FBLN1: variants seen among roughly 807,000 people sequenced by gnomAD.
The protein encoded by FBLN1 is fibulin-1.
FBLN1 carries 34 observed loss-of-function variants against 89.7 expected under a neutral mutation model. That is an observed-to-expected ratio of 0.38 (90% CI 0.29 to 0.50). FBLN1 has a LOEUF of 0.50. FBLN1 is among the 20% of genes least tolerant of loss of function. The probability of loss-of-function intolerance (pLI) is 0.92; values close to 1 mark genes in which losing one functional copy is unlikely to be tolerated. For synonymous variants in FBLN1, 393 were observed against 391.3 expected (o/e 1.00, Z -0.05); for missense variants, 777 against 988.1 (o/e 0.79, Z 2.86).
At chr22:45,547,024 G>A in intron 11 of FBLN1, 61 bp from the exon 12 acceptor site, 2 of 1,611,990 alleles carry the variant, frequency 1.2e-6, no homozygotes, top group Non-Finnish European at 8.5e-7. Flanking sequence ...TGACCCTGAG[G>A]GCTACTGTGG....
intron 2 of FBLN1, among the ~76,000 whole-genome samples, chr22:45,525,159 A>G (rs1185233453): frequency 6.8e-6 from 1 of 146,506 alleles, no homozygotes; most frequent in African/African-American, 2.6e-5. Flanking sequence ...GAGGAAGAGA[A>G]GGAAAGAGAG....
intron 14 of FBLN1, among the ~76,000 whole-genome samples, chr22:45,571,776 A>AC (rs2088955212): frequency 6.6e-6 from 1 of 152,116 alleles, no homozygotes; most frequent in Non-Finnish European, 1.5e-5. Context: ...ACAATGACCA[A>AC]CCCCCTAGCA....
rs561325704 is a variant in FBLN1 at position 45,600,649 on chromosome 22, C to T, written c.*203C>T. On this transcript the variant is annotated 3_prime_UTR_variant, in exon 17 of 17. Coordinates refer to ENST00000327858, the MANE Select transcript of FBLN1 (RefSeq NM_006486.3). ...TTAAAAAATGAGCCCAGTTGCTCAACTGTTTGGTTGAAAACCTTGCTCATT... is the reference window on the plus strand; with the variant it reads ...TTAAAAAATGAGCCCAGTTGCTCAATTGTTTGGTTGAAAACCTTGCTCATT... 31 of 653,110 alleles carry T rather than the reference C, an allele frequency of 4.7e-5. No individual in the cohort carries two copies. Among genetic ancestry groups the T allele is most frequent in the African/African-American group, 3.8e-4 (21 of 55,686 alleles). 40.5% of individuals were successfully genotyped at this position (653,110 alleles called of 1,614,324 possible). A position where few individuals can be genotyped will look rare whatever the true frequency, so the allele number is the denominator to read the frequency against.
At chr22:45,526,809 C>T (rs556461436) in intron 3 of FBLN1, among the ~76,000 whole-genome samples, 11 of 152,256 alleles carry the variant, frequency 7.2e-5, no homozygotes, top group Admixed American at 6.5e-4. Flanking sequence ...GGACTTTGGG[C>T]GTTTCATGAC....
At chr22:45,585,332 C>T (rs1385806961) in intron 16 of FBLN1, among the ~76,000 whole-genome samples, 2 of 152,196 alleles carry the variant, frequency 1.3e-5, no homozygotes, top group Non-Finnish European at 2.9e-5. Flanking sequence ...GGCTTGAGAC[C>T]GTCCATTGTC....
At chr22:45,515,720 A>G (rs902888176) in intron 1 of FBLN1, among the ~76,000 whole-genome samples, 2 of 152,232 alleles carry the variant, frequency 1.3e-5, no homozygotes, top group African/African-American at 4.8e-5. Context: ...GACTGTTTAC[A>G]GAGAACTTTC....
chr22:45,543,622 G>A, intron 11 of FBLN1, 96 bp downstream of exon 11: 1 of 1,462,322 alleles, frequency 6.8e-7, no homozygotes, highest in East Asian at 2.4e-5. Context: ...ATCCGCGATG[G>A]TTTCCCTGTT....
intron 14 of FBLN1, among the ~76,000 whole-genome samples, chr22:45,554,363 T>G (rs1224084442): frequency 6.6e-6 from 1 of 152,220 alleles, no homozygotes; most frequent in East Asian, 1.9e-4. Flanking sequence ...CCGTTTGGCC[T>G]GGACCTGGGC....
Position 45,581,510 on chromosome 22 carries a change from T to C in FBLN1, c.1972+4402T>C, listed in dbSNP as rs1001281720. 1.1e-4 allele frequency among the ~76,000 whole-genome samples: 16 copies of C among 152,112 alleles called. 1 individual carries two copies. Among genetic ancestry groups the C allele is most frequent in the African/African-American group, 3.1e-4 (13 of 41,412 alleles). ...TATGAGGCTTGGTTGTGGCCACATT[T>C]CTGTTAAAACCCTGCCAATGCCAAC... is the stretch of plus-strand genomic sequence containing the variant. On this transcript the variant is annotated intron_variant, in intron 16 of 16. Coordinates refer to ENST00000327858, the MANE Select transcript of FBLN1 (RefSeq NM_006486.3). The surrounding 1 kb of genome is among the most constrained non-coding windows in gnomAD (Gnocchi z 7.6).
chr22:45,534,292 C>CAAAAAAAAAAA (rs136746), intron 7 of FBLN1, among the ~76,000 whole-genome samples: 37 of 83,226 alleles, frequency 4.4e-4, no homozygotes, highest in African/African-American at 1.1e-3. Context: ...GTACTTTCTA[C>CAAAAAAAAAAA]AAAAAAAAAA....
chr22:45,559,992 C>A (rs1364116679), intron 14 of FBLN1, among the ~76,000 whole-genome samples: 2 of 152,166 alleles, frequency 1.3e-5, no homozygotes, highest in African/African-American at 4.8e-5. Context: ...TCAAATTAGT[C>A]TTTTGTCCAC....
intron 14 of FBLN1, chr22:45,565,068 G>A (rs2088890892): frequency 1.9e-6 from 3 of 1,603,880 alleles, no homozygotes; most frequent in African/African-American, 1.3e-5. Context: ...ACGGGAGCAT[G>A]AGCCCTTTTC....
At chr22:45,564,474 G>A (rs977038884) in intron 14 of FBLN1, among the ~76,000 whole-genome samples, 4 of 152,190 alleles carry the variant, frequency 2.6e-5, no homozygotes, top group Admixed American at 6.5e-5. Flanking sequence ...CTTGAGCCAC[G>A]CTGCAAGCTC....
At chr22:45,547,891 C>T (rs1602198319) in intron 12 of FBLN1, among the ~76,000 whole-genome samples, 1 of 151,994 alleles carries the variant, frequency 6.6e-6, no homozygotes, top group African/African-American at 2.4e-5. Flanking sequence ...CAGGGACCAC[C>T]TATATCCCTG....
At chr22:45,564,197 C>A (rs1485347298) in intron 14 of FBLN1, among the ~76,000 whole-genome samples, 1 of 152,140 alleles carries the variant, frequency 6.6e-6, no homozygotes, top group African/African-American at 2.4e-5. Flanking sequence ...TAACCCCCTG[C>A]CTCCCTCCAT....
chr22:45,503,094 CT>C, intron 1 of FBLN1, 30 bp downstream of exon 1: 1 of 1,223,244 alleles, frequency 8.2e-7, no homozygotes, highest in South Asian at 3.7e-5. Context: ...GCCGCCCCAG[CT>C]TAGGGTCCCG....
chr22:45,594,735 T>A (rs1359532292), intron 16 of FBLN1, among the ~76,000 whole-genome samples: 1 of 151,506 alleles, frequency 6.6e-6, no homozygotes, highest in Non-Finnish European at 1.5e-5. Context: ...GATGGATAGA[T>A]GGATGGGTGA....
At chr22:45,510,229 T>C (rs2146939539) in intron 1 of FBLN1, among the ~76,000 whole-genome samples, 1 of 152,274 alleles carries the variant, frequency 6.6e-6, no homozygotes, top group Non-Finnish European at 1.5e-5. Flanking sequence ...GGACGCGGTC[T>C]CACAATAAAA....
Position 45,531,383 on chromosome 22 carries a change from G to A in FBLN1, c.544+59G>A. 2 of 1,465,386 alleles carry A rather than the reference G, an allele frequency of 1.4e-6. No individual in the cohort carries two copies. Among genetic ancestry groups the A allele is most frequent in the Middle Eastern group, 3.5e-4 (2 of 5,748 alleles). 90.8% of individuals were successfully genotyped at this position (1,465,386 alleles called of 1,614,324 possible). ...TAAACAAACCCCAAGGGGCCAGCAA[G>A]GTGGCTCAGGCCTGTAATCCTAGTA... On this transcript the variant is annotated intron_variant, in intron 5 of 16. Transcript: ENST00000327858. The surrounding 1 kb of genome is among the most constrained non-coding windows in gnomAD (Gnocchi z 4.9).
Sources: allele counts gnomAD v4.1 joint callset (sites outside exome capture counted in the v4.1 genomes callset), GRCh38; gene constraint gnomAD v4.1.1; non-coding constraint Gnocchi (gnomAD v3.1); transcripts MANE v1.5; gene names NCBI Gene and HGNC (gene_info 2026-07-23, HGNC 2026-07-21).